Variants in SLC12A1 observed in about 807,000 individuals in gnomAD.
SLC12A1 encodes solute carrier family 12 member 1.
Under a neutral mutation model 130.4 loss-of-function variants are expected in SLC12A1, and 89 were observed. The ratio of observed to expected loss-of-function variants is 0.68; its 90% confidence interval spans 0.58 to 0.81. SLC12A1 has a LOEUF of 0.81. Among genes scored for constraint, SLC12A1 ranks in the 40% least tolerant of loss-of-function variants. The pLI is 0.00. For synonymous variants in SLC12A1, 499 were observed against 460.0 expected (o/e 1.08, Z -1.09); for missense variants, 1,310 against 1,336.4 (o/e 0.98, Z 0.31).
chr15:48,296,888 A>G (rs2042182452), intron 24 of SLC12A1, among the ~76,000 whole-genome samples: 1 of 152,234 alleles, frequency 6.6e-6, no homozygotes, highest in Non-Finnish European at 1.5e-5. Context: ...AGATGAACAC[A>G]GAGAAGGAGC....
intron 21 of SLC12A1, among the ~76,000 whole-genome samples, chr15:48,286,892 TGTAA>T (rs1415052876): frequency 6.6e-6 from 1 of 152,198 alleles, no homozygotes; most frequent in Non-Finnish European, 1.5e-5. Context: ...TTGACTTGTC[TGTAA>T]GTGAGGGCAG....
At chr15:48,240,540 A>C (rs1348340435) in intron 9 of SLC12A1, among the ~76,000 whole-genome samples, 1 of 152,068 alleles carries the variant, frequency 6.6e-6, no homozygotes, top group African/African-American at 2.4e-5. Context: ...ACTATGCATG[A>C]CCTTTTTGAT....
At chr15:48,244,707 G>T in intron 10 of SLC12A1, 46 bp from the exon 11 acceptor site, 1 of 1,604,810 alleles carries the variant, frequency 6.2e-7, no homozygotes, top group Non-Finnish European at 8.5e-7. Flanking sequence ...AACCGTAAGG[G>T]ACCAGAACTT....
chr15:48,266,476 C>T (rs1393929600), intron 17 of SLC12A1, among the ~76,000 whole-genome samples: 1 of 150,346 alleles, frequency 6.7e-6, no homozygotes, highest in African/African-American at 2.5e-5. Flanking sequence ...TCCCAATGTC[C>T]TTTCTCTCCA....
At position 48,288,098 on chromosome 15, in the gene SLC12A1, G is replaced by C. The variant is rs1470960020; in HGVS notation, c.2685G>C (p.Leu895=). Reference sequence around the variant, plus strand: ...ATGTGGGAGAGTTCAACCAGAAACTGGTGGAAGCCAGCACTCAATTTAAAA... The same window carrying C: ...ATGTGGGAGAGTTCAACCAGAAACTCGTGGAAGCCAGCACTCAATTTAAAA... ...SMHVGEFNQK[L]VEASTQFKKK... is the part of the protein sequence containing the mutation. Residue 895 remains leucine (L), a synonymous_variant, in exon 22 of 27, where the codon CTG becomes CTC. Coordinates refer to ENST00000380993, the MANE Select transcript of SLC12A1 (RefSeq NM_000338.3). 1 of 1,610,970 alleles carries C rather than the reference G, an allele frequency of 6.2e-7. No homozygotes were observed. The highest frequency in any genetic ancestry group is 8.5e-7 in the Non-Finnish European group (1 of 1,178,638).
intron 21 of SLC12A1, among the ~76,000 whole-genome samples, chr15:48,287,622 A>T (rs2042073380): frequency 6.6e-6 from 1 of 152,140 alleles, no homozygotes; most frequent in Non-Finnish European, 1.5e-5. Context: ...TTTCTAGAAA[A>T]CCACTTACCA....
At chr15:48,280,815 A>T (rs946936920) in intron 20 of SLC12A1, among the ~76,000 whole-genome samples, 2 of 151,850 alleles carry the variant, frequency 1.3e-5, no homozygotes, top group African/African-American at 4.8e-5. Flanking sequence ...CACTTCTTTC[A>T]AACATTGTCT....
chr15:48,251,711 C>A lies in SLC12A1; in HGVS notation c.1883C>A (p.Ala628Asp), dbSNP rs1057520301. The A allele has an allele frequency of 6.2e-7, 1 of 1,613,658 alleles. No individual in the cohort carries two copies. The highest frequency in any genetic ancestry group is 8.5e-7 in the Non-Finnish European group (1 of 1,179,696). ...AVMFVINWWA[A>D]VITYVIEFFL... ...ATGTTTGTCATCAACTGGTGGGCAG[C>A]TGTCATCACCTATGTCATTGAATTC... is the stretch of plus-strand genomic sequence containing the variant. Residue 628 changes from alanine to aspartate, a missense_variant, in exon 15 of 27, where the codon GCT (alanine) becomes GAT (aspartate). Coordinates refer to ENST00000380993, the MANE Select transcript of SLC12A1 (RefSeq NM_000338.3).
chr15:48,272,418 TTTTG>T lies in SLC12A1; in HGVS notation c.2403-2133_2403-2130del, dbSNP rs57354501. ...TAATATTCTTAAGTATGGTTTAGTTTTTTGTTTGTTTGTTTGTTTGTTTTTTAAG... is the reference window on the plus strand; with the variant it reads ...TAATATTCTTAAGTATGGTTTAGTTTTTTGTTTGTTTGTTTGTTTTTTAAG... On this transcript the variant is annotated intron_variant, in intron 19 of 26. Transcript: ENST00000380993. Among the ~76,000 whole-genome samples, 784 of 151,590 alleles carry T rather than the reference TTTTG, an allele frequency of 5.2e-3. 6 individuals carry two copies. The highest frequency in any genetic ancestry group is 0.018 in the African/African-American group (756 of 41,224).
intron 21 of SLC12A1, 92 bp from the exon 22 acceptor site, chr15:48,287,951 T>C (rs2042076746): frequency 1.5e-6 from 2 of 1,367,816 alleles, no homozygotes; most frequent in Admixed American, 5.2e-5. Flanking sequence ...ATCTGTGACC[T>C]TTTCTCTATT....
In SLC12A1 at chr15:48,221,381, A is replaced by G. The variant is rs1418051354; in HGVS notation, c.628+385A>G. On this transcript the variant is annotated intron_variant, in intron 4 of 26. Transcript: ENST00000380993. ...GATTGGTAAAACTTCACTGAACAAAAATAACTTGTGAGAAAACTGGTGAAA... is the reference window on the plus strand; with the variant it reads ...GATTGGTAAAACTTCACTGAACAAAGATAACTTGTGAGAAAACTGGTGAAA... The G allele has an allele frequency of 1.0e-5, 7 of 701,562 alleles. No homozygotes were observed. In the African/African-American group the frequency reaches 1.2e-4, roughly 12 times the overall value. 43.5% of individuals were successfully genotyped at this position (701,562 alleles called of 1,614,324 possible). A position where few individuals can be genotyped will look rare whatever the true frequency, so the allele number is the denominator to read the frequency against.
At chr15:48,292,155 C>T (rs914863680) in intron 24 of SLC12A1, among the ~76,000 whole-genome samples, 7 of 152,164 alleles carry the variant, frequency 4.6e-5, no homozygotes, top group South Asian at 2.1e-4. Context: ...AAGAGCAGCA[C>T]GAAGTGCAAG....
rs190089661 is a variant in SLC12A1 at position 48,221,015 on chromosome 15, C to T, written c.628+19C>T. 3 of 1,609,670 alleles carry T rather than the reference C, an allele frequency of 1.9e-6. No homozygotes were observed. The highest frequency in any genetic ancestry group is 2.2e-5 in the East Asian group (1 of 44,880). ...GGAATTGGTAAGCATTTTTCCCCTC[C>T]TAAATAATTTTGCATGTAAATCATA... On this transcript the variant is annotated intron_variant, in intron 4 of 26. Transcript: ENST00000380993.
Position 48,227,011 on chromosome 15 carries a change from T to C in SLC12A1, c.724+440T>C, listed in dbSNP as rs1350672053. 5.1e-6 allele frequency: 5 copies of C among 972,842 alleles called. No individual in the cohort carries two copies. The African/African-American group carries it at 8.1e-5, about 16-fold the overall frequency. The allele number at this position is 972,842 out of a possible 1,614,324, so 60.3% of individuals were successfully genotyped here. On this transcript the variant is annotated intron_variant, in intron 5 of 26. Transcript: ENST00000380993. Reference sequence around the variant, plus strand: ...CTTTCTGTGACAAGATTCAGACTGCTGCCTCCTGAAGTACTGGTGACTTCT... The same window carrying C: ...CTTTCTGTGACAAGATTCAGACTGCCGCCTCCTGAAGTACTGGTGACTTCT...
intron 4 of SLC12A1, chr15:48,224,523 T>C (rs1223522383): frequency 3.3e-5 from 5 of 152,154 alleles, no homozygotes; most frequent in Non-Finnish European, 1.5e-5. Flanking sequence ...GGACTTTTCA[T>C]TCATAGGGTG....
At chr15:48,292,666 C>A (rs1293249422) in intron 24 of SLC12A1, among the ~76,000 whole-genome samples, 4 of 152,138 alleles carry the variant, frequency 2.6e-5, no homozygotes, top group Non-Finnish European at 5.9e-5. Flanking sequence ...TGAGGGCCCT[C>A]TTCCTGGTAT....
Position 48,299,203 on chromosome 15 carries a change from A to T in SLC12A1, c.3024A>T (p.Thr1008=). Reference sequence around the variant, plus strand: ...TCCATGAAAGCTGCAAAGATTTAACAACTGCTGAGAAATTAAAAAGAGAAA... The same window carrying T: ...TCCATGAAAGCTGCAAAGATTTAACTACTGCTGAGAAATTAAAAAGAGAAA... ...YRLHESCKDL[T]TAEKLKRETP... Residue 1008 remains threonine (T), a synonymous_variant, in exon 25 of 27, where the codon ACA becomes ACT. Transcript: ENST00000380993. The T allele has an allele frequency of 6.2e-7, 1 of 1,609,224 alleles. No individual in the cohort carries two copies. The highest frequency in any genetic ancestry group is 2.2e-5 in the East Asian group (1 of 44,736).
intron 10 of SLC12A1, among the ~76,000 whole-genome samples, chr15:48,244,318 T>G (rs2041552685): frequency 6.6e-6 from 1 of 152,216 alleles, no homozygotes; most frequent in Non-Finnish European, 1.5e-5. Flanking sequence ...AAAGAGGGGC[T>G]GCGTTCTCTT....
chr15:48,254,368 A>G (rs1232586340), intron 15 of SLC12A1, among the ~76,000 whole-genome samples: 1 of 152,046 alleles, frequency 6.6e-6, no homozygotes, highest in Non-Finnish European at 1.5e-5. Flanking sequence ...TTATCCCTAT[A>G]AAAATAAACA....
Sources: allele counts gnomAD v4.1 joint callset (sites outside exome capture counted in the v4.1 genomes callset), GRCh38; gene constraint gnomAD v4.1.1; transcripts MANE v1.5; gene names NCBI Gene and HGNC (gene_info 2026-07-23, HGNC 2026-07-21).